KIF1B: variants seen among roughly 807,000 people sequenced by gnomAD.
The protein encoded by KIF1B is kinesin-like protein KIF1B.
Under a neutral mutation model 241.9 loss-of-function variants are expected in KIF1B, and 76 were observed. The ratio of observed to expected loss-of-function variants is 0.31; its 90% CI spans 0.26 to 0.38. The LOEUF (loss-of-function observed/expected upper bound fraction) is 0.38, where lower values mean the gene tolerates loss of function less well. Among genes scored for constraint, KIF1B ranks in the 10% least tolerant of loss-of-function variants. KIF1B has a pLI of 1.00. For missense variants in KIF1B, 1,622 were observed against 2,271.4 expected (o/e 0.71, Z 5.81); for synonymous variants, 750 against 796.7 (o/e 0.94, Z 0.99).
At chr1:10,236,763 G>C (rs139484513) in intron 2 of KIF1B, among the ~76,000 whole-genome samples, 13 of 150,814 alleles carry the variant, frequency 8.6e-5, no homozygotes, top group African/African-American at 2.4e-4. Context: ...TGTATGCCAA[G>C]TAATTTTTAA....
intron 2 of KIF1B, among the ~76,000 whole-genome samples, chr1:10,234,787 G>T (rs1222359423): frequency 6.6e-6 from 1 of 152,004 alleles, no homozygotes; most frequent in Non-Finnish European, 1.5e-5. Flanking sequence ...CTCCCAAAGT[G>T]TTGGGATTGC....
intron 22 of KIF1B, among the ~76,000 whole-genome samples, chr1:10,318,843 A>T (rs898610009): frequency 6.6e-6 from 1 of 152,162 alleles, no homozygotes; most frequent in African/African-American, 2.4e-5. Context: ...ACTAAAATTC[A>T]AGTTTTTCAA....
At chr1:10,272,602 A>G (rs1648862341) in intron 9 of KIF1B, 1 of 506,460 alleles carries the variant, frequency 2.0e-6, no homozygotes, top group Non-Finnish European at 3.5e-6. Context: ...AAAACCAAGT[A>G]TATTTATTGT....
In KIF1B at chr1:10,334,540, A is replaced by C. The variant is rs1198789049; in HGVS notation, c.2945A>C (p.Asn982Thr). Reference sequence around the variant, plus strand: ...TTTAGGGCATTTGTTTACCTGAGCAATCTGCTGTATCCCGTGCCCCTGATC... The same window carrying C: ...TTTAGGGCATTTGTTTACCTGAGCACTCTGCTGTATCCCGTGCCCCTGATC... ...LVGRAFVYLS[N>T]LLYPVPLIHR... The change falls in exon 28 of 49, where the codon AAT becomes ACT. Residue 982 changes from asparagine (N) to threonine (T), a missense_variant. Transcript: ENST00000676179. 6.2e-7 allele frequency: 1 copy of C among 1,613,846 alleles called. No individual in the cohort carries two copies.
intron 1 of KIF1B, among the ~76,000 whole-genome samples, chr1:10,225,473 C>A (rs1221237922): frequency 6.6e-6 from 1 of 152,014 alleles, no homozygotes; most frequent in African/African-American, 2.4e-5. Flanking sequence ...CTGAAAAAAA[C>A]AACAAAACAA....
intron 22 of KIF1B, among the ~76,000 whole-genome samples, chr1:10,309,293 T>C (rs1296478803): frequency 6.6e-6 from 1 of 152,230 alleles, no homozygotes; most frequent in African/African-American, 2.4e-5. Flanking sequence ...CATACCCTTT[T>C]CCTTCAGGTA....
chr1:10,272,580 A>G (rs751200046), intron 9 of KIF1B: 1 of 523,278 alleles, frequency 1.9e-6, no homozygotes, highest in South Asian at 2.0e-5. Flanking sequence ...GCCTTATTTT[A>G]TGTTTCTCAC....
At chr1:10,230,122 C>G (rs144567090) in intron 1 of KIF1B, among the ~76,000 whole-genome samples, 2 of 152,060 alleles carry the variant, frequency 1.3e-5, no homozygotes, top group African/African-American at 4.8e-5. Context: ...TTACAGTGAG[C>G]TATGATTGTG....
At chr1:10,319,554 C>T (rs1379288652) in intron 22 of KIF1B, among the ~76,000 whole-genome samples, 1 of 152,126 alleles carries the variant, frequency 6.6e-6, no homozygotes, top group Non-Finnish European at 1.5e-5. Flanking sequence ...TAATTTTTCA[C>T]AAAGAGGAAG....
intron 2 of KIF1B, among the ~76,000 whole-genome samples, chr1:10,239,959 G>A (rs2102146388): frequency 6.6e-6 from 1 of 152,110 alleles, no homozygotes; most frequent in East Asian, 1.9e-4. Context: ...GTAGAGATGG[G>A]GTTTCACCGT....
At chr1:10,317,904 G>C (rs941402767) in intron 22 of KIF1B, among the ~76,000 whole-genome samples, 7 of 151,154 alleles carry the variant, frequency 4.6e-5, no homozygotes, top group African/African-American at 1.7e-4. Context: ...TTTTAAAATG[G>C]TTCATCTCTT....
chr1:10,219,523 G>A (rs1439095736), intron 1 of KIF1B, among the ~76,000 whole-genome samples: 1 of 151,162 alleles, frequency 6.6e-6, no homozygotes, highest in East Asian at 1.9e-4. Context: ...TCGGGAGGCC[G>A]AGGCAGGCGG....
chr1:10,376,465 A>C (rs1569935558), intron 48 of KIF1B, 80 bp from the exon 49 acceptor site: 2 of 1,376,714 alleles, frequency 1.5e-6, no homozygotes, highest in Non-Finnish European at 2.1e-6. Flanking sequence ...TCCAGGAGGG[A>C]GCCTCAGAGG....
chr1:10,352,269 C>T (rs1477729474), intron 37 of KIF1B, among the ~76,000 whole-genome samples: 1 of 150,494 alleles, frequency 6.6e-6, no homozygotes, highest in Non-Finnish European at 1.5e-5. Context: ...TCAGAAGTTG[C>T]TGTTAGGTGA....
chr1:10,223,494 T>G (rs1251362236), intron 1 of KIF1B, among the ~76,000 whole-genome samples: 1 of 152,018 alleles, frequency 6.6e-6, no homozygotes, highest in African/African-American at 2.4e-5. Flanking sequence ...GATAACATTT[T>G]CACTAAATTT....
At chr1:10,333,965 A>T (rs1415591860) in intron 27 of KIF1B, among the ~76,000 whole-genome samples, 2 of 151,872 alleles carry the variant, frequency 1.3e-5, no homozygotes. Context: ...AGCCTGGCCA[A>T]CATGGTGAAA....
In KIF1B at chr1:10,342,070, A is replaced by G. The variant is rs1265416063; in HGVS notation, c.3534A>G (p.Glu1178=). 67 of 1,609,792 alleles carry G rather than the reference A, an allele frequency of 4.2e-5. No individual in the cohort carries two copies. The highest frequency in any genetic ancestry group is 5.1e-5 in the Non-Finnish European group (60 of 1,176,176). Residue 1178 remains glutamate, a synonymous_variant, in exon 33 of 49, where the codon GAA becomes GAG. Coordinates refer to ENST00000676179, the MANE Select transcript of KIF1B (RefSeq NM_001365951.3). ...HVQNIAVEIT[E]SFVDYIKTKP... is the part of the protein sequence containing the mutation. ...TTTAGATTGCAGTGGAGATCACTGA[A>G]TCATTTGTGGATTACATCAAAACCA...
rs550863899 is a variant in KIF1B at position 10,353,708 on chromosome 1, A to G, written c.4055+972A>G. On this transcript the variant is annotated intron_variant, in intron 38 of 48. Transcript: ENST00000676179. ...TTTCTTTCTGTTGTTTTCTTGTATT[A>G]TAGTTTACCATAGGAAAGAGAAAAA... is the stretch of plus-strand genomic sequence containing the variant. Among the ~76,000 whole-genome samples, 7 of 152,308 alleles carry G rather than the reference A, an allele frequency of 4.6e-5. No homozygotes were observed. The South Asian group carries it at 1.5e-3, about 32-fold the overall frequency.
At chr1:10,227,112 T>G (rs1256502652) in intron 1 of KIF1B, among the ~76,000 whole-genome samples, 1 of 143,182 alleles carries the variant, frequency 7.0e-6, no homozygotes, top group Non-Finnish European at 1.5e-5. Flanking sequence ...CTCAGCTCAC[T>G]GCAACCTCTG....
Sources: allele counts gnomAD v4.1 joint callset (sites outside exome capture counted in the v4.1 genomes callset), GRCh38; gene constraint gnomAD v4.1.1; transcripts MANE v1.5; gene names NCBI Gene and HGNC (gene_info 2026-07-23, HGNC 2026-07-21).